Variants in BABAM2 observed in about 807,000 individuals in gnomAD.
BABAM2 encodes the protein BRISC and BRCA1 A complex member 2.
Under a neutral mutation model 54.7 loss-of-function variants are expected in BABAM2, and 31 were observed. The ratio of observed to expected loss-of-function variants is 0.57; its 90% confidence interval spans 0.43 to 0.77. The LOEUF is 0.77. Ranked by LOEUF, BABAM2 falls within the 30% of genes least tolerant of loss-of-function variation. The pLI is 0.00. For synonymous variants in BABAM2, 167 were observed against 162.9 expected (o/e 1.03, Z -0.19); for missense variants, 364 against 455.8 (o/e 0.80, Z 1.83).
In BABAM2 at chr2:28,196,321, C is replaced by CGTCTCAAAAAAAAAAAAAAAAAA. The variant is rs1360883175; in HGVS notation, c.681-40881_681-40880insGTCTCAAAAAAAAAAAAAAAAAA. ...CAGCCTGGGCAACAGAGCAAGACTC[C>CGTCTCAAAAAAAAAAAAAAAAAA]ATATAAAAAAAAAATGAATTTTTTA... On this transcript the variant is annotated intron_variant, in intron 7 of 11. Transcript: ENST00000379624. Among the ~76,000 whole-genome samples, 17 of 107,552 alleles carry CGTCTCAAAAAAAAAAAAAAAAAA rather than the reference C, an allele frequency of 1.6e-4. 2 individuals carry two copies. Among genetic ancestry groups the CGTCTCAAAAAAAAAAAAAAAAAA allele is most frequent in the Admixed American group, 3.9e-4 (4 of 10,238 alleles). The allele number at this position is 107,552 out of a possible 152,430, so 70.6% of individuals were successfully genotyped here.
intron 6 of BABAM2, among the ~76,000 whole-genome samples, chr2:28,111,777 A>C (rs894695165): frequency 1.3e-5 from 2 of 152,164 alleles, no homozygotes; most frequent in Non-Finnish European, 2.9e-5. Flanking sequence ...AATATCCCCC[A>C]GGTGTAGCTG....
intron 10 of BABAM2, among the ~76,000 whole-genome samples, chr2:28,283,655 T>G (rs1686566298): frequency 6.6e-6 from 1 of 152,138 alleles, no homozygotes; most frequent in Non-Finnish European, 1.5e-5. Flanking sequence ...AAGAGTAACC[T>G]AATAGCCTGG....
chr2:28,010,127 C>T (rs1202392357), intron 4 of BABAM2, among the ~76,000 whole-genome samples: 4 of 152,042 alleles, frequency 2.6e-5, no homozygotes, highest in Non-Finnish European at 4.4e-5. Context: ...GTTCATTTTT[C>T]TCCTTTATGT....
intron 10 of BABAM2, among the ~76,000 whole-genome samples, chr2:28,271,308 G>C (rs886951730): frequency 3.9e-5 from 6 of 152,136 alleles, no homozygotes; most frequent in African/African-American, 1.4e-4. Flanking sequence ...CCTCAGGCTG[G>C]ACAAGAGCCA....
chr2:28,174,384 T>A (rs1038715850), intron 7 of BABAM2, among the ~76,000 whole-genome samples: 2 of 152,206 alleles, frequency 1.3e-5, no homozygotes. Flanking sequence ...TCAAGAGGGC[T>A]GACTAGACGC....
intron 2 of BABAM2, among the ~76,000 whole-genome samples, chr2:27,908,205 T>A (rs1666321926): frequency 6.6e-6 from 1 of 152,202 alleles, no homozygotes; most frequent in South Asian, 2.1e-4. Context: ...TGGGGTAGAA[T>A]TGAACCTGTC....
At position 28,099,748 on chromosome 2, in the gene BABAM2, A is replaced by G. The variant is rs1037792947; in HGVS notation, c.571-29523A>G. Among the ~76,000 whole-genome samples the G allele has an allele frequency of 2.0e-5, 3 of 152,070 alleles. No individual in the cohort carries two copies. The East Asian group carries it at 5.8e-4, about 29-fold the overall frequency. The stretch of plus-strand genomic sequence containing the variant: ...AAAGTTCCAAAACATTCTCCAACAA[A>G]CTCATTGGCTATAGGCATCTTTGAA... On this transcript the variant is annotated intron_variant, in intron 6 of 11. Transcript: ENST00000379624.
intron 3 of BABAM2, among the ~76,000 whole-genome samples, chr2:27,986,278 C>T (rs769995130): frequency 1.1e-4 from 16 of 151,804 alleles, no homozygotes; most frequent in Non-Finnish European, 1.6e-4. Flanking sequence ...TGGAGGGCAG[C>T]TAGTATTAGG....
chr2:27,891,587 G>T (rs879751372), intron 1 of BABAM2, among the ~76,000 whole-genome samples: 2 of 152,106 alleles, frequency 1.3e-5, no homozygotes, highest in African/African-American at 2.4e-5. Flanking sequence ...ATGCGTAAGA[G>T]TTACTACCGG....
chr2:28,156,919 A>G (rs1672593844), intron 7 of BABAM2, among the ~76,000 whole-genome samples: 1 of 152,252 alleles, frequency 6.6e-6, no homozygotes. Context: ...ATGATTCACC[A>G]TTCAATTTAA....
At chr2:28,291,957 C>T (rs1382031501) in intron 10 of BABAM2, among the ~76,000 whole-genome samples, 2 of 152,204 alleles carry the variant, frequency 1.3e-5, no homozygotes, top group African/African-American at 4.8e-5. Context: ...ATACAGATTG[C>T]TCTCAGGAAC....
intron 4 of BABAM2, chr2:28,016,534 A>G: frequency 1.4e-6 from 1 of 727,080 alleles, no homozygotes. Flanking sequence ...GGCCGGAGAG[A>G]TGGCCGAAGC....
intron 10 of BABAM2, among the ~76,000 whole-genome samples, chr2:28,285,155 T>C (rs1440981516): frequency 6.6e-6 from 1 of 152,210 alleles, no homozygotes; most frequent in Non-Finnish European, 1.5e-5. Flanking sequence ...CACTTTTCTA[T>C]GTGCAAGACT....
intron 3 of BABAM2, among the ~76,000 whole-genome samples, chr2:27,945,565 C>T (rs1669240240): frequency 6.6e-6 from 1 of 152,086 alleles, no homozygotes. Context: ...TTAGAATCAG[C>T]TTGTAATTGT....
chr2:28,072,417 G>A (rs1235347879), intron 6 of BABAM2, among the ~76,000 whole-genome samples: 11 of 143,414 alleles, frequency 7.7e-5, no homozygotes, highest in East Asian at 2.1e-4. Context: ...GCGGAGTCTC[G>A]CTCTGTCACC....
intron 6 of BABAM2, among the ~76,000 whole-genome samples, chr2:28,056,482 T>C (rs1055502114): frequency 3.9e-5 from 6 of 152,230 alleles, no homozygotes; most frequent in African/African-American, 1.2e-4. Flanking sequence ...TTTTTTTTTA[T>C]GATGTGCTTC....
intron 7 of BABAM2, among the ~76,000 whole-genome samples, chr2:28,176,768 C>T (rs1479535580): frequency 7.2e-6 from 1 of 138,030 alleles, no homozygotes; most frequent in Non-Finnish European, 1.5e-5. Context: ...TCATGAGCTT[C>T]AACAGTAGAC....
At chr2:28,302,395 TG>T (rs1156901390) in intron 11 of BABAM2, among the ~76,000 whole-genome samples, 1 of 147,434 alleles carries the variant, frequency 6.8e-6, no homozygotes, top group African/African-American at 2.5e-5. Flanking sequence ...CCAGCCTGGG[TG>T]ACAGAGCGAG....
At chr2:27,934,420 CT>C (rs1668342870) in intron 3 of BABAM2, among the ~76,000 whole-genome samples, 1 of 152,144 alleles carries the variant, frequency 6.6e-6, no homozygotes, top group Non-Finnish European at 1.5e-5. Context: ...ACTGATCGTC[CT>C]TTTTCCTTTC....
Sources: gnomAD v4.1 joint callset for allele counts (sites outside exome capture counted in the v4.1 genomes callset) on GRCh38, gnomAD v4.1.1 for gene constraint, MANE v1.5 for transcripts, NCBI Gene and HGNC (gene_info 2026-07-23, HGNC 2026-07-21) for gene names.